The following MDFIC2 variants were observed in gnomAD, a reference collection of about 807,000 sequenced individuals.
The protein encoded by MDFIC2 is myoD family inhibitor domain-containing protein 2.
At chr3:70,271,109 T>C (rs1481445145) in intron 2 of MDFIC2, among the ~76,000 whole-genome samples, 2 of 152,200 alleles carry the variant, frequency 1.3e-5, no homozygotes, top group South Asian at 2.1e-4. Flanking sequence ...TGGGAAGTTG[T>C]ATATACTAAA....
intron 2 of MDFIC2, among the ~76,000 whole-genome samples, chr3:70,293,149 T>C (rs1360535117): frequency 6.6e-6 from 1 of 151,858 alleles, no homozygotes; most frequent in East Asian, 1.9e-4. Context: ...TTTACATTTC[T>C]GGAAGTATTC....
At chr3:70,197,558 G>A (rs1393730846) in intron 3 of MDFIC2, among the ~76,000 whole-genome samples, 3 of 152,134 alleles carry the variant, frequency 2.0e-5, no homozygotes, top group Non-Finnish European at 4.4e-5. Context: ...CAAATACAAG[G>A]GGCTTAAGAA....
intron 2 of MDFIC2, among the ~76,000 whole-genome samples, chr3:70,212,525 C>G (rs1000951304): frequency 9.2e-5 from 14 of 152,104 alleles, no homozygotes; most frequent in African/African-American, 3.4e-4. Flanking sequence ...CTAAACATCT[C>G]TCAAGTCCGT....
At chr3:70,234,388 C>T (rs1701588808) in intron 2 of MDFIC2, among the ~76,000 whole-genome samples, 1 of 152,128 alleles carries the variant, frequency 6.6e-6, no homozygotes, top group African/African-American at 2.4e-5. Flanking sequence ...GTGGCTCATG[C>T]CTGTAATCCT....
chr3:70,215,993 AT>A (rs1190555742), intron 2 of MDFIC2, among the ~76,000 whole-genome samples: 7 of 152,080 alleles, frequency 4.6e-5, no homozygotes, highest in African/African-American at 1.7e-4. Flanking sequence ...TGAATGCAAC[AT>A]TTGCATTGAT....
intron 2 of MDFIC2, among the ~76,000 whole-genome samples, chr3:70,254,213 C>G (rs538085331): frequency 6.6e-5 from 10 of 152,202 alleles, no homozygotes; most frequent in Non-Finnish European, 1.3e-4. Flanking sequence ...ATGATTTTAA[C>G]AGCTGTGAAG....
At chr3:70,206,314 T>G (rs73116288) in intron 3 of MDFIC2, among the ~76,000 whole-genome samples, 30,285 of 151,914 alleles carry the variant, frequency 0.2, 3,426 homozygotes, top group Non-Finnish European at 0.26. Context: ...CCCATAGCAA[T>G]AATGATTATG....
rs1163525021 is a variant in MDFIC2 at position 70,196,837 on chromosome 3, T to C, written c.*89A>G. 1 of 397,556 alleles carries C rather than the reference T, an allele frequency of 2.5e-6. No individual in the cohort carries two copies. The highest frequency in any genetic ancestry group is 4.4e-6 in the Non-Finnish European group (1 of 225,844). 24.6% of individuals were successfully genotyped at this position (397,556 alleles called of 1,614,324 possible). A position where few individuals can be genotyped will look rare whatever the true frequency, so the allele number is the denominator to read the frequency against. ...GCATCCAAGAAATGTGTACAGTCCT[T>C]ACATTTCAGCACATGGAAATCAGTC... On this transcript the variant is annotated 3_prime_UTR_variant, in exon 4 of 4. Coordinates refer to ENST00000567252, the MANE Select transcript of MDFIC2 (RefSeq NM_001364677.1).
chr3:70,283,792 G>A (rs1702112946), intron 2 of MDFIC2: 1 of 151,306 alleles, frequency 6.6e-6, no homozygotes, highest in African/African-American at 2.4e-5. Context: ...AAAAGAGAGA[G>A]AAGAAAAAGA....
At chr3:70,305,504 A>T (rs528481374) in intron 2 of MDFIC2, among the ~76,000 whole-genome samples, 127 of 152,276 alleles carry the variant, frequency 8.3e-4, no homozygotes, top group Non-Finnish European at 1.8e-4. Flanking sequence ...TGAGTGAGAG[A>T]ATTAGATTGG....
chr3:70,203,000 G>A (rs1227887695), intron 3 of MDFIC2, among the ~76,000 whole-genome samples: 1 of 152,056 alleles, frequency 6.6e-6, no homozygotes, highest in African/African-American at 2.4e-5. Flanking sequence ...TCACCTTGGT[G>A]CCCATGATTA....
intron 3 of MDFIC2, among the ~76,000 whole-genome samples, chr3:70,202,040 A>G (rs934303688): frequency 2.0e-5 from 3 of 152,116 alleles, no homozygotes; most frequent in African/African-American, 7.2e-5. Context: ...AACCACAGTG[A>G]CTGTGGTCTA....
At chr3:70,197,347 A>C (rs1239354368) in intron 3 of MDFIC2, among the ~76,000 whole-genome samples, 162 bp from the exon 4 acceptor site, 1 of 152,134 alleles carries the variant, frequency 6.6e-6, no homozygotes, top group Non-Finnish European at 1.5e-5. Context: ...CCCCACCCCC[A>C]TGTCAGTACT....
intron 2 of MDFIC2, among the ~76,000 whole-genome samples, chr3:70,256,591 C>T (rs137983600): frequency 2.2e-3 from 340 of 152,274 alleles, no homozygotes; most frequent in Middle Eastern, 3.4e-3. Flanking sequence ...CCACTTGCTG[C>T]TCCATCAGTA....
In MDFIC2 at chr3:70,221,820, G is replaced by A. The variant is rs17006865; in HGVS notation, c.89-15030C>T. Among the ~76,000 whole-genome samples the A allele has an allele frequency of 7.8e-3, 1,186 of 152,056 alleles. 32 individuals are homozygous for A. Among genetic ancestry groups the A allele is most frequent in the East Asian group, 0.064 (319 of 5,010 alleles). ...GTGGTCTTGCCATTTACAGGACATTGCTAAATTTTTTGGCTGGGGCAAAAG... is the reference window on the plus strand; with the variant it reads ...GTGGTCTTGCCATTTACAGGACATTACTAAATTTTTTGGCTGGGGCAAAAG... On this transcript the variant is annotated intron_variant, in intron 2 of 3. Transcript: ENST00000567252.
intron 2 of MDFIC2, among the ~76,000 whole-genome samples, chr3:70,296,908 T>C (rs933333286): frequency 6.6e-6 from 1 of 152,028 alleles, no homozygotes; most frequent in African/African-American, 2.4e-5. Context: ...AGAGTAAACT[T>C]TCATATGGCT....
Position 70,230,499 on chromosome 3 carries a change from C to CAT in MDFIC2, c.89-23711_89-23710dup, listed in dbSNP as rs56052995. ...TACATTAGACAAATTCGAGATGAATCATATATATATATATACAGTTTTGCA... is the reference window on the plus strand; with the variant it reads ...TACATTAGACAAATTCGAGATGAATCATATATATATATATATACAGTTTTGCA... On this transcript the variant is annotated intron_variant, in intron 2 of 3. Coordinates refer to ENST00000567252, the MANE Select transcript of MDFIC2 (RefSeq NM_001364677.1). Among the ~76,000 whole-genome samples the CAT allele has an allele frequency of 2.4e-3, 359 of 151,310 alleles. 2 individuals carry two copies. Among genetic ancestry groups the CAT allele is most frequent in the African/African-American group, 8.4e-3 (347 of 41,170 alleles).
intron 2 of MDFIC2, among the ~76,000 whole-genome samples, chr3:70,256,055 C>G (rs1450877596): frequency 6.6e-6 from 1 of 152,108 alleles, no homozygotes; most frequent in East Asian, 1.9e-4. Flanking sequence ...TTTTTTGATA[C>G]ACATAGTAAC....
At position 70,224,059 on chromosome 3, in the gene MDFIC2, A is replaced by G. The variant is rs76553702; in HGVS notation, c.89-17269T>C. Among the ~76,000 whole-genome samples, 1,298 of 152,282 alleles carry G rather than the reference A, an allele frequency of 8.5e-3. 22 individuals are homozygous for G. Among genetic ancestry groups the G allele is most frequent in the African/African-American group, 0.029 (1,224 of 41,574 alleles). ...TATCTTGATCTCTATTCTTTATCAC[A>G]GTAGATACTGTAACAAACACCAGGT... On this transcript the variant is annotated intron_variant, in intron 2 of 3. Transcript: ENST00000567252.
Sources: allele counts gnomAD v4.1 joint callset (sites outside exome capture counted in the v4.1 genomes callset), GRCh38; gene constraint gnomAD v4.1.1; transcripts MANE v1.5; gene names NCBI Gene and HGNC (gene_info 2026-07-23, HGNC 2026-07-21).